Variants in LINGO2 observed in about 807,000 individuals in gnomAD.
The protein encoded by LINGO2 is leucine-rich repeat and immunoglobulin-like domain-containing nogo receptor-interacting protein 2.
Under a neutral mutation model 30.6 loss-of-function variants are expected in LINGO2, and 14 were observed. The observed-to-expected ratio is 0.46, with a 90% CI of 0.30 to 0.72. The LOEUF is 0.72. LINGO2 is among the 30% of genes least tolerant of loss of function. The pLI, the probability that LINGO2 is intolerant of heterozygous loss-of-function variation, is 0.07. For missense variants in LINGO2, 729 were observed against 751.7 expected (o/e 0.97, Z 0.35); for synonymous variants, 317 against 288.5 (o/e 1.10, Z -1.00).
At chr9:28,717,851 T>C in the LINGO2 span, among the ~76,000 whole-genome samples, 1 of 152,096 alleles carries the variant, frequency 6.6e-6, no homozygotes, top group Non-Finnish European at 1.5e-5. Flanking sequence ...CCTCAGTAAC[T>C]CTCAGACCTT....
At chr9:28,386,547 G>C (rs1422978484) in intron 2 of LINGO2, among the ~76,000 whole-genome samples, 1 of 152,128 alleles carries the variant, frequency 6.6e-6, no homozygotes, top group Non-Finnish European at 1.5e-5. Flanking sequence ...AGAGATGACA[G>C]AGTATATAAC....
intron 1 of LINGO2, among the ~76,000 whole-genome samples, chr9:28,485,324 C>T (rs952257880): frequency 5.3e-5 from 8 of 152,098 alleles, no homozygotes; most frequent in African/African-American, 1.9e-4. Flanking sequence ...GTGCATGGCA[C>T]TCCGGATGAT....
chr9:28,044,741 G>A (rs1198009), intron 4 of LINGO2, among the ~76,000 whole-genome samples: 34,081 of 150,956 alleles, frequency 0.23, 4,306 homozygotes, highest in East Asian at 0.4. Context: ...TGGAAGGGAA[G>A]AGAGTTAGGG....
At chr9:28,019,456 C>A (rs746576214) in intron 4 of LINGO2, among the ~76,000 whole-genome samples, 12 of 151,874 alleles carry the variant, frequency 7.9e-5, no homozygotes, top group Non-Finnish European at 1.8e-4. Context: ...TTATGTGACT[C>A]TGGGGGAATA....
At chr9:28,457,732 A>C (rs1824909571) in intron 2 of LINGO2, among the ~76,000 whole-genome samples, 2 of 152,138 alleles carry the variant, frequency 1.3e-5, no homozygotes, top group African/African-American at 4.8e-5. Context: ...TGCTGCATGG[A>C]AAGTTTTAAT....
At chr9:27,994,134 T>C (rs1053503729) in intron 5 of LINGO2, among the ~76,000 whole-genome samples, 5 of 151,858 alleles carry the variant, frequency 3.3e-5, no homozygotes, top group Non-Finnish European at 5.9e-5. Context: ...CTAAAACCTA[T>C]AGGATACAGC....
At chr9:28,009,455 C>G (rs979314440) in intron 5 of LINGO2, among the ~76,000 whole-genome samples, 1 of 151,084 alleles carries the variant, frequency 6.6e-6, no homozygotes, top group African/African-American at 2.4e-5. Flanking sequence ...TGCAATAAAA[C>G]ATTTGTAAAT....
At chr9:28,694,771 C>T in the LINGO2 span, among the ~76,000 whole-genome samples, 1 of 151,862 alleles carries the variant, frequency 6.6e-6, no homozygotes, top group African/African-American at 2.4e-5. Flanking sequence ...TGTGTGGGGG[C>T]TCTAGTAATG....
chr9:28,840,882 A>G, the LINGO2 span, among the ~76,000 whole-genome samples: 13 of 151,792 alleles, frequency 8.6e-5, no homozygotes, highest in Non-Finnish European at 1.5e-4. Flanking sequence ...CCTCTCATTT[A>G]TTATGTTCTA....
chr9:28,893,903 G>GC, the LINGO2 span, among the ~76,000 whole-genome samples: 2 of 132,536 alleles, frequency 1.5e-5, no homozygotes, highest in African/African-American at 5.7e-5. Context: ...CCTCCCCCCT[G>GC]CCCCCACCCC....
intron 3 of LINGO2, among the ~76,000 whole-genome samples, chr9:28,332,313 G>A (rs1413357231): frequency 6.6e-6 from 1 of 151,908 alleles, no homozygotes; most frequent in Non-Finnish European, 1.5e-5. Context: ...TTTCAAAACC[G>A]CAATTACTTT....
the LINGO2 span, among the ~76,000 whole-genome samples, chr9:28,822,664 C>CT: frequency 6.6e-6 from 1 of 152,160 alleles, no homozygotes; most frequent in Non-Finnish European, 1.5e-5. Flanking sequence ...TGGATGCTTC[C>CT]TGCCCTCAAA....
chr9:28,884,997 TATATATATATA>T, the LINGO2 span, among the ~76,000 whole-genome samples: 1 of 2,494 alleles, frequency 4.0e-4, no homozygotes, highest in African/African-American at 6.2e-4. Context: ...AATAATATAT[TATATATATATA>T]TATATATATA....
At chr9:29,196,486 A>G in the LINGO2 span, among the ~76,000 whole-genome samples, 2 of 152,062 alleles carry the variant, frequency 1.3e-5, no homozygotes, top group East Asian at 1.9e-4. Flanking sequence ...ACATAAAAAT[A>G]TTTAAAATAA....
At chr9:29,004,818 A>G in the LINGO2 span, among the ~76,000 whole-genome samples, 1 of 151,934 alleles carries the variant, frequency 6.6e-6, no homozygotes, top group South Asian at 2.1e-4. Flanking sequence ...CTCTTGACGT[A>G]AGAGTTAGTT....
At chr9:28,963,301 CTA>C in the LINGO2 span, among the ~76,000 whole-genome samples, 1 of 151,794 alleles carries the variant, frequency 6.6e-6, no homozygotes, top group African/African-American at 2.4e-5. Context: ...CCATATATAG[CTA>C]ATGGCTATCT....
At chr9:28,351,430 C>T (rs957522653) in intron 3 of LINGO2, among the ~76,000 whole-genome samples, 1 of 151,768 alleles carries the variant, frequency 6.6e-6, no homozygotes, top group African/African-American at 2.4e-5. Context: ...GACACATACG[C>T]TCTCCCAAGA....
the LINGO2 span, among the ~76,000 whole-genome samples, chr9:28,927,792 T>C: frequency 1.3e-5 from 2 of 152,214 alleles, no homozygotes; most frequent in Admixed American, 6.5e-5. Context: ...TTCACAACTC[T>C]ATGAGGCCAG....
At chr9:28,769,514 ATATATTTTTTTTTTTTTTT>A in the LINGO2 span, among the ~76,000 whole-genome samples, 61 of 2,010 alleles carry the variant, frequency 0.03, 6 homozygotes, top group Non-Finnish European at 0.046. Flanking sequence ...ATATATATAT[ATATATTTTTTTTTTTTTTT>A]TTTTTTTTTT....
Sources: allele counts gnomAD v4.1 joint callset (sites outside exome capture counted in the v4.1 genomes callset), GRCh38; gene constraint gnomAD v4.1.1; transcripts MANE v1.5; gene names NCBI Gene and HGNC (gene_info 2026-07-23, HGNC 2026-07-21).